Variants in FGF14 observed in about 807,000 individuals in gnomAD.
The protein encoded by FGF14 is fibroblast growth factor homologous factor 4.
A neutral mutation model predicts 25.5 loss-of-function variants in FGF14; 5 were observed. The observed-to-expected ratio is 0.20, with a 90% confidence interval of 0.10 to 0.41. The LOEUF is 0.41. Ranked by LOEUF, FGF14 falls within the 10% of genes least tolerant of loss-of-function variation. The probability of loss-of-function intolerance (pLI) is 1.00; values close to 1 mark genes in which losing one functional copy is unlikely to be tolerated. For synonymous variants in FGF14, 138 were observed against 118.3 expected (o/e 1.17, Z -1.08); for missense variants, 222 against 320.1 (o/e 0.69, Z 2.34).
intron 1 of FGF14, among the ~76,000 whole-genome samples, chr13:102,326,755 GAGGGAGGGAAGGAAGGAAGAAAAA>G (rs2056464619): frequency 3.3e-5 from 3 of 90,108 alleles, no homozygotes; most frequent in African/African-American, 1.5e-4. Context: ...AGGAAGGAAA[GAGGGAGGGAAGGAAGGAAGAAAAA>G]AAAGGAAGGA....
rs138559792 is a variant in FGF14, at chr13:102,135,441, C to G, written c.209-260145G>C. ...GCCATACGAACAAATAGCACATTTA[C>G]AGGAATGCAATTACAAAAAAGCTTT... is the stretch of plus-strand genomic sequence containing the variant. On this transcript the variant is annotated intron_variant, in intron 1 of 4. Coordinates refer to the FGF14 transcript ENST00000376131. Among the ~76,000 whole-genome samples the G allele has an allele frequency of 1.5e-3, 231 of 152,224 alleles. 1 individual carries two copies. The highest frequency in any genetic ancestry group is 5.1e-3 in the African/African-American group (213 of 41,542).
intron 3 of FGF14, among the ~76,000 whole-genome samples, chr13:101,781,164 T>G (rs1285774792): frequency 6.6e-6 from 1 of 152,102 alleles, no homozygotes; most frequent in Non-Finnish European, 1.5e-5. Flanking sequence ...CTCACTCATT[T>G]CAGTTAAGTT....
intron 3 of FGF14, among the ~76,000 whole-genome samples, chr13:101,797,772 T>TGTGTGTGTGC (rs1555384577): frequency 0.047 from 6,838 of 145,584 alleles, 344 homozygotes; most frequent in East Asian, 0.19. Context: ...TGTGTGTGTG[T>TGTGTGTGTGC]GTGTGTGTGT....
chr13:101,943,033 A>G (rs565927201), intron 1 of FGF14, among the ~76,000 whole-genome samples: 296 of 152,202 alleles, frequency 1.9e-3, no homozygotes, highest in Non-Finnish European at 3.8e-3. Context: ...TCAGCTTCCC[A>G]TAGCCATGGT....
intron 3 of FGF14, among the ~76,000 whole-genome samples, chr13:101,822,939 G>C (rs2042226828): frequency 6.6e-6 from 1 of 151,918 alleles, no homozygotes; most frequent in Non-Finnish European, 1.5e-5. Flanking sequence ...ACCCACATTA[G>C]ATTTTTTTTT....
chr13:101,836,055 G>A (rs1481920650), intron 3 of FGF14, among the ~76,000 whole-genome samples: 2 of 152,020 alleles, frequency 1.3e-5, no homozygotes, highest in Non-Finnish European at 2.9e-5. Context: ...GTGACCTGGT[G>A]CAGTGATATG....
chr13:102,065,950 A>G (rs867015501), intron 1 of FGF14, among the ~76,000 whole-genome samples: 1 of 152,098 alleles, frequency 6.6e-6, no homozygotes, highest in Non-Finnish European at 1.5e-5. Context: ...TAGTAAAAGC[A>G]TATTTAGACA....
chr13:101,962,739 CAT>C (rs2036942184), intron 1 of FGF14, among the ~76,000 whole-genome samples: 1 of 152,008 alleles, frequency 6.6e-6, no homozygotes, highest in Admixed American at 6.6e-5. Context: ...TTGTATGCAA[CAT>C]GTTTATTTTT....
At chr13:102,345,179 T>C (rs2057068627) in intron 1 of FGF14, among the ~76,000 whole-genome samples, 1 of 152,190 alleles carries the variant, frequency 6.6e-6, no homozygotes, top group South Asian at 2.1e-4. Flanking sequence ...CTCAGGTATA[T>C]TGAAGAAGTA....
intron 1 of FGF14, among the ~76,000 whole-genome samples, chr13:101,906,683 G>A (rs1015134064): frequency 6.6e-6 from 1 of 152,108 alleles, no homozygotes; most frequent in Non-Finnish European, 1.5e-5. Context: ...ATATTATCAT[G>A]TCTATAAATT....
At chr13:102,326,677 A>C in intron 1 of FGF14, among the ~76,000 whole-genome samples, 1 of 57,132 alleles carries the variant, frequency 1.8e-5, no homozygotes, top group Non-Finnish European at 3.3e-5. Context: ...GGGGAAGGGA[A>C]GGGAAGGGAA....
intron 1 of FGF14, among the ~76,000 whole-genome samples, chr13:102,286,152 C>T (rs759007306): frequency 1.3e-5 from 2 of 152,116 alleles, no homozygotes; most frequent in Admixed American, 6.6e-5. Flanking sequence ...TAGGGGCCAG[C>T]GTTCCTAAGC....
chr13:102,180,794 T>C (rs2048642456), intron 1 of FGF14, among the ~76,000 whole-genome samples: 1 of 152,178 alleles, frequency 6.6e-6, no homozygotes. Flanking sequence ...GGTAGTTGGA[T>C]ACTAGCATTT....
chr13:102,000,346 T>C (rs149147658), intron 1 of FGF14, among the ~76,000 whole-genome samples: 14 of 152,280 alleles, frequency 9.2e-5, no homozygotes, highest in African/African-American at 3.1e-4. Flanking sequence ...AAATCTCATG[T>C]TCTAGAACAT....
rs567552957 is a variant in FGF14, at chr13:102,112,557, A to G, written c.209-237261T>C. ...GAATTAACCATTTATTCATTCATTG[A>G]ATCAACATTTACCGAAAGTCTTCTG... On this transcript the variant is annotated intron_variant, in intron 1 of 4. Transcript: ENST00000376131. Among the ~76,000 whole-genome samples the G allele has an allele frequency of 2.1e-3, 315 of 152,314 alleles. 1 individual carries two copies. The highest frequency in any genetic ancestry group is 3.5e-3 in the Non-Finnish European group (238 of 68,028).
intron 1 of FGF14, among the ~76,000 whole-genome samples, chr13:102,125,535 A>G (rs1047398996): frequency 6.6e-6 from 1 of 152,120 alleles, no homozygotes; most frequent in Non-Finnish European, 1.5e-5. Flanking sequence ...CATGATAACT[A>G]TTGCTGTATG....
At chr13:101,931,029 T>G (rs180968246) in intron 1 of FGF14, among the ~76,000 whole-genome samples, 8 of 152,348 alleles carry the variant, frequency 5.3e-5, no homozygotes, top group African/African-American at 1.9e-4. Flanking sequence ...TTTTCTAAAA[T>G]GTCCAGTCAT....
chr13:101,823,498 C>T (rs953301145), intron 3 of FGF14, among the ~76,000 whole-genome samples: 7 of 150,486 alleles, frequency 4.7e-5, no homozygotes, highest in Non-Finnish European at 7.4e-5. Flanking sequence ...AGTGCAATGG[C>T]GCGATCTCGG....
At chr13:102,284,256 A>C (rs1371939380) in intron 1 of FGF14, among the ~76,000 whole-genome samples, 1 of 152,196 alleles carries the variant, frequency 6.6e-6, no homozygotes, top group Non-Finnish European at 1.5e-5. Flanking sequence ...AAAATCAATT[A>C]TAAAACTTCA....
Sources: gnomAD v4.1 joint callset for allele counts (sites outside exome capture counted in the v4.1 genomes callset) on GRCh38, gnomAD v4.1.1 for gene constraint, MANE v1.5 for transcripts, NCBI Gene and HGNC (gene_info 2026-07-23, HGNC 2026-07-21) for gene names.